The following TMEM50A variants were observed in gnomAD, a reference collection of about 807,000 sequenced individuals.
TMEM50A encodes the protein transmembrane protein 50A.
TMEM50A carries 8 observed loss-of-function variants against 23.9 expected under a neutral mutation model. That is an observed-to-expected ratio of 0.33 (90% confidence interval 0.20 to 0.60). TMEM50A has a LOEUF of 0.60. TMEM50A is among the 20% of genes least tolerant of loss of function. The pLI is 0.81. For synonymous variants in TMEM50A, 55 were observed against 60.4 expected, an observed-to-expected ratio of 0.91 and a Z score of 0.41; for missense variants, 178 against 192.7, an observed-to-expected ratio of 0.92 and a Z score of 0.45.
intron 3 of TMEM50A, among the ~76,000 whole-genome samples, chr1:25,343,926 G>A (rs1402570408): frequency 1.3e-5 from 2 of 152,156 alleles, no homozygotes; most frequent in South Asian, 4.1e-4. Flanking sequence ...GGGACAGATG[G>A]TATAGGGCCT....
rs184450518 is a variant in TMEM50A, at chr1:25,338,377, C to T, written c.-93C>T. The T allele has an allele frequency of 2.0e-5, 3 of 152,764 alleles. No homozygotes were observed. The highest frequency in any genetic ancestry group is 4.4e-5 in the Non-Finnish European group (3 of 68,720). The allele number at this position is 152,764 out of a possible 1,614,324, so 9.5% of individuals were successfully genotyped here. On this transcript the variant is annotated 5_prime_UTR_variant, in exon 1 of 7. Coordinates refer to ENST00000374358, the MANE Select transcript of TMEM50A (RefSeq NM_014313.4). The stretch of plus-strand genomic sequence containing the variant: ...CTGGAGGCTGTGGCCGTTTTGTTTT[C>T]TTGGCTAAAATCGGGGGAGTGAGGC...
At chr1:25,354,522 G>A (rs1571805517) in intron 5 of TMEM50A, among the ~76,000 whole-genome samples, 1 of 152,106 alleles carries the variant, frequency 6.6e-6, no homozygotes, top group South Asian at 2.1e-4. Context: ...TGACGTGAGA[G>A]GATCACCTGA....
chr1:25,354,202 C>G (rs1645309326), intron 5 of TMEM50A, among the ~76,000 whole-genome samples: 1 of 152,056 alleles, frequency 6.6e-6, no homozygotes. Flanking sequence ...GTTGCCCAGG[C>G]TGGTCTCAAA....
At chr1:25,338,905 T>C (rs371304837) in intron 1 of TMEM50A, 37 of 151,630 alleles carry the variant, frequency 2.4e-4, no homozygotes, top group African/African-American at 9.0e-4. Flanking sequence ...GTACCAGTCG[T>C]CGTGCAAAGA....
rs759056543 is a variant in TMEM50A, at chr1:25,339,252, T to A, written c.-14+796T>A. Among the ~76,000 whole-genome samples the A allele has an allele frequency of 1.1e-4, 17 of 152,354 alleles. No homozygotes were observed. The South Asian group carries it at 3.3e-3, about 30-fold the overall frequency. On this transcript the variant is annotated intron_variant, in intron 1 of 6. Transcript: ENST00000374358. ...GCTTTTTCATACTCTGAAATAGAGATAACATGGCTGTATCTCAGGTCTCTA... is the reference window on the plus strand; with the variant it reads ...GCTTTTTCATACTCTGAAATAGAGAAAACATGGCTGTATCTCAGGTCTCTA...
intron 6 of TMEM50A, among the ~76,000 whole-genome samples, chr1:25,359,679 C>T (rs1213883062): frequency 6.6e-6 from 1 of 152,108 alleles, no homozygotes; most frequent in Non-Finnish European, 1.5e-5. Flanking sequence ...TCATACTAGT[C>T]TCCTGGGCTT....
intron 3 of TMEM50A, 75 bp downstream of exon 3, chr1:25,343,148 AT>A: frequency 8.5e-7 from 1 of 1,169,696 alleles, no homozygotes; most frequent in Non-Finnish European, 1.2e-6. Flanking sequence ...AGTTGCATAG[AT>A]TTAAAATTCT....
At chr1:25,352,188 A>T (rs1191685644) in intron 4 of TMEM50A, among the ~76,000 whole-genome samples, 1 of 152,100 alleles carries the variant, frequency 6.6e-6, no homozygotes, top group Non-Finnish European at 1.5e-5. Flanking sequence ...TTACTGTTTG[A>T]AAGTACTCTT....
intron 5 of TMEM50A, among the ~76,000 whole-genome samples, chr1:25,356,375 G>A (rs536148078): frequency 1.4e-4 from 21 of 152,064 alleles, no homozygotes; most frequent in Non-Finnish European, 4.4e-5. Context: ...CCCACTTCCT[G>A]CGTGTCCTTA....
In TMEM50A at chr1:25,351,609, T is replaced by C; in HGVS notation, c.207-17T>C. On this transcript the variant is annotated splice_polypyrimidine_tract_variant and intron_variant, in intron 3 of 6. Transcript: ENST00000374358. ...TGTCATGGACCCTGATTTCTTGGTT[T>C]TATTTTATTCATACAGGATTAATGC... The C allele has an allele frequency of 6.3e-7, 1 of 1,595,766 alleles. No individual in the cohort carries two copies. The highest frequency in any genetic ancestry group is 1.2e-5 in the South Asian group (1 of 86,644).
chr1:25,351,826 T>C (rs1571803691), intron 4 of TMEM50A, 133 bp downstream of exon 4: 1 of 777,640 alleles, frequency 1.3e-6, no homozygotes, highest in Non-Finnish European at 2.0e-6. Flanking sequence ...ATCTATTGTT[T>C]TATGTTTTGG....
At chr1:25,341,567 C>T (rs909785488) in intron 2 of TMEM50A, among the ~76,000 whole-genome samples, 26 of 152,088 alleles carry the variant, frequency 1.7e-4, no homozygotes, top group Admixed American at 1.0e-3. Flanking sequence ...TTAGTAGAGA[C>T]GGGGTTTCTC....
intron 1 of TMEM50A, among the ~76,000 whole-genome samples, chr1:25,339,206 C>T: frequency 6.6e-6 from 1 of 152,122 alleles, no homozygotes; most frequent in East Asian, 1.9e-4. Context: ...TGTTGTTATT[C>T]GCAAGTTATA....
intron 6 of TMEM50A, among the ~76,000 whole-genome samples, chr1:25,357,846 T>A (rs996200350): frequency 2.0e-5 from 3 of 150,836 alleles, no homozygotes; most frequent in African/African-American, 4.9e-5. Flanking sequence ...CACCATGTTG[T>A]CCAGGATGGT....
At chr1:25,341,644 G>T (rs1052633726) in intron 2 of TMEM50A, among the ~76,000 whole-genome samples, 11 of 152,022 alleles carry the variant, frequency 7.2e-5, no homozygotes, top group African/African-American at 1.2e-4. Flanking sequence ...CTCCCAAAGT[G>T]TTGGGATTAC....
chr1:25,361,923 T>C lies in TMEM50A; in HGVS notation c.*1218T>C, dbSNP rs1645412180. The stretch of plus-strand genomic sequence containing the variant: ...AAGATCTTAGAGGTTGAAGCCCACC[T>C]TCTCTTTTCACATAGGAGGGAACAG... On this transcript the variant is annotated 3_prime_UTR_variant, in exon 7 of 7. Coordinates refer to ENST00000374358, the MANE Select transcript of TMEM50A (RefSeq NM_014313.4). 6.3e-6 allele frequency: 1 copy of C among 158,796 alleles called. No individual in the cohort carries two copies. The highest frequency in any genetic ancestry group is 6.0e-5 in the Admixed American group (1 of 16,576). The allele number at this position is 158,796 out of a possible 1,614,324, so 9.8% of individuals were successfully genotyped here. A position where few individuals can be genotyped will look rare whatever the true frequency, so the allele number is the denominator to read the frequency against.
At chr1:25,347,742 T>C (rs1026029957) in intron 3 of TMEM50A, among the ~76,000 whole-genome samples, 2 of 152,210 alleles carry the variant, frequency 1.3e-5, no homozygotes, top group Middle Eastern at 3.2e-3. Context: ...TAGTTATTCA[T>C]TCGCAGAAGT....
At chr1:25,347,480 C>G (rs1416016278) in intron 3 of TMEM50A, among the ~76,000 whole-genome samples, 1 of 151,958 alleles carries the variant, frequency 6.6e-6, no homozygotes, top group Non-Finnish European at 1.5e-5. Flanking sequence ...TCAGGTGATC[C>G]ACCTGCCTTG....
chr1:25,352,255 A>G (rs1365882717), intron 4 of TMEM50A, among the ~76,000 whole-genome samples: 1 of 151,994 alleles, frequency 6.6e-6, no homozygotes, highest in Non-Finnish European at 1.5e-5. Context: ...CAGCACTTTG[A>G]GAGGCCAAGG....
Sources: gnomAD v4.1 joint callset for allele counts (sites outside exome capture counted in the v4.1 genomes callset) on GRCh38, gnomAD v4.1.1 for gene constraint, MANE v1.5 for transcripts, NCBI Gene and HGNC (gene_info 2026-07-23, HGNC 2026-07-21) for gene names.